Variants in FOXN3 observed in about 807,000 individuals in gnomAD.
FOXN3 encodes forkhead box protein N3.
FOXN3 carries 7 observed loss-of-function variants against 38.4 expected under a neutral mutation model. The ratio of observed to expected loss-of-function variants is 0.18; its 90% confidence interval spans 0.10 to 0.34. The LOEUF (loss-of-function observed/expected upper bound fraction) is 0.34, where lower values mean the gene tolerates loss of function less well. Ranked by LOEUF, FOXN3 falls within the 10% of genes least tolerant of loss-of-function variation. FOXN3 has a pLI of 1.00. For missense variants in FOXN3, 456 were observed against 613.4 expected (o/e 0.74, Z 2.71); for synonymous variants, 230 against 242.2 (o/e 0.95, Z 0.47).
chr14:89,157,163 G>A lies in FOXN3; in HGVS notation c.*5251C>T, dbSNP rs759226884. 5.9e-5 allele frequency: 9 copies of A among 152,666 alleles called. No homozygotes were observed. Among genetic ancestry groups the A allele is most frequent in the African/African-American group, 1.9e-4 (8 of 41,464 alleles). The allele number at this position is 152,666 out of a possible 1,614,324, so 9.5% of individuals were successfully genotyped here. A position where few individuals can be genotyped will look rare whatever the true frequency, so the allele number is the denominator to read the frequency against. On this transcript the variant is annotated 3_prime_UTR_variant, in exon 6 of 6. Coordinates refer to ENST00000557258, the MANE Select transcript of FOXN3 (RefSeq NM_005197.4). Reference sequence around the variant, plus strand: ...GGAAGGGTACTCGTGAGCATCTCACGGTTAAGTCAGAAATGATCGTTCACA... The same window carrying A: ...GGAAGGGTACTCGTGAGCATCTCACAGTTAAGTCAGAAATGATCGTTCACA...
chr14:89,174,664 A>T (rs186660543), intron 5 of FOXN3, among the ~76,000 whole-genome samples: 1 of 152,200 alleles, frequency 6.6e-6, no homozygotes, highest in African/African-American at 2.4e-5. Flanking sequence ...ATGTTGATCA[A>T]ATTTCACAGT....
chr14:89,229,741 T>C (rs1884751178), intron 4 of FOXN3, among the ~76,000 whole-genome samples: 1 of 152,082 alleles, frequency 6.6e-6, no homozygotes, highest in South Asian at 2.1e-4. Context: ...CAGTAGGTTG[T>C]CCCTCTGGTG....
upstream of FOXN3, among the ~76,000 whole-genome samples, chr14:89,421,974 G>C (rs930300011): frequency 6.6e-6 from 1 of 152,078 alleles, no homozygotes; most frequent in African/African-American, 2.4e-5. Flanking sequence ...CGAACTCCTA[G>C]ACTCAAACAA....
At chr14:89,194,245 G>A (rs944893101) in intron 4 of FOXN3, among the ~76,000 whole-genome samples, 2 of 151,926 alleles carry the variant, frequency 1.3e-5, no homozygotes, top group Non-Finnish European at 2.9e-5. Context: ...AGAAATCTTA[G>A]CCTACCCTAA....
intron 3 of FOXN3, among the ~76,000 whole-genome samples, chr14:89,339,807 G>C (rs1418143006): frequency 6.6e-6 from 1 of 152,240 alleles, no homozygotes; most frequent in East Asian, 1.9e-4. Flanking sequence ...AAATGCAGGT[G>C]AAGCTAAGCC....
intron 1 of FOXN3, among the ~76,000 whole-genome samples, chr14:89,434,990 G>A (rs893333093): frequency 1.3e-5 from 2 of 152,088 alleles, no homozygotes; most frequent in Non-Finnish European, 2.9e-5. Context: ...CTGTATAAAC[G>A]TTCAACAATT....
At chr14:89,200,831 T>G (rs553778455) in intron 4 of FOXN3, among the ~76,000 whole-genome samples, 20 of 152,188 alleles carry the variant, frequency 1.3e-4, no homozygotes, top group Non-Finnish European at 2.9e-4. Flanking sequence ...CTGATCAACA[T>G]TGACTTCTTT....
At chr14:89,605,462 A>T (rs1896252947) in intron 1 of FOXN3, among the ~76,000 whole-genome samples, 1 of 152,142 alleles carries the variant, frequency 6.6e-6, no homozygotes, top group South Asian at 2.1e-4. Context: ...TTCAAAAGAA[A>T]GCAAGAAATA....
chr14:89,604,798 T>C (rs535272749), intron 1 of FOXN3, among the ~76,000 whole-genome samples: 6 of 152,288 alleles, frequency 3.9e-5, no homozygotes, highest in Non-Finnish European at 7.4e-5. Context: ...AAAGTACTCT[T>C]GGAGAAAGAA....
chr14:89,453,859 C>A (rs1212934797), intron 1 of FOXN3, among the ~76,000 whole-genome samples: 1 of 152,154 alleles, frequency 6.6e-6, no homozygotes, highest in Non-Finnish European at 1.5e-5. Flanking sequence ...CTGCTATGGA[C>A]TGAGGTTTTG....
chr14:89,181,565 G>C (rs1198691021), intron 4 of FOXN3, among the ~76,000 whole-genome samples: 1 of 152,162 alleles, frequency 6.6e-6, no homozygotes, highest in Admixed American at 6.5e-5. Flanking sequence ...CAAATCTCCT[G>C]AGAAGTCGCT....
intron 1 of FOXN3, among the ~76,000 whole-genome samples, chr14:89,568,598 T>C (rs1243245130): frequency 6.6e-6 from 1 of 152,250 alleles, no homozygotes; most frequent in African/African-American, 2.4e-5. Context: ...CCCTAACATT[T>C]GCGTCCTTTC....
intron 3 of FOXN3, among the ~76,000 whole-genome samples, chr14:89,340,931 G>C (rs1888597340): frequency 6.6e-6 from 1 of 152,110 alleles, no homozygotes; most frequent in Admixed American, 6.5e-5. Context: ...CAAGAGAAGA[G>C]CCTGACCTCT....
chr14:89,539,128 C>T (rs1894747142), intron 1 of FOXN3, among the ~76,000 whole-genome samples: 1 of 152,208 alleles, frequency 6.6e-6, no homozygotes, highest in South Asian at 2.1e-4. Flanking sequence ...AGGCGTGAGC[C>T]ACGTGCCTGG....
chr14:89,573,769 A>G (rs1481093357), intron 1 of FOXN3, among the ~76,000 whole-genome samples: 1 of 152,222 alleles, frequency 6.6e-6, no homozygotes, highest in Non-Finnish European at 1.5e-5. Flanking sequence ...CCTAAAGGCC[A>G]CAAGAGGATT....
intron 3 of FOXN3, among the ~76,000 whole-genome samples, chr14:89,288,710 CTCTCTCTCTCTCTCTATA>C (rs1886741251): frequency 1.4e-4 from 11 of 75,874 alleles, no homozygotes; most frequent in Non-Finnish European, 2.0e-4. Context: ...CTCTCTCTCT[CTCTCTCTCTCTCTCTATA>C]TATATATATA....
At chr14:89,229,760 T>C (rs1467694939) in intron 4 of FOXN3, among the ~76,000 whole-genome samples, 1 of 152,130 alleles carries the variant, frequency 6.6e-6, no homozygotes, top group African/African-American at 2.4e-5. Flanking sequence ...TGACACTCGC[T>C]GAGGCCAATA....
chr14:89,423,022 T>C (rs1183799921), intron 1 of FOXN3, among the ~76,000 whole-genome samples: 1 of 151,806 alleles, frequency 6.6e-6, no homozygotes, highest in Non-Finnish European at 1.5e-5. Context: ...TTTACTCAAT[T>C]AATTCCGTCA....
intron 4 of FOXN3, among the ~76,000 whole-genome samples, chr14:89,183,194 T>A (rs575821260): frequency 1.3e-5 from 2 of 152,332 alleles, no homozygotes; most frequent in Admixed American, 6.5e-5. Flanking sequence ...TACGGCAGTC[T>A]CCTAGAAATG....
Sources: allele counts gnomAD v4.1 joint callset (sites outside exome capture counted in the v4.1 genomes callset), GRCh38; gene constraint gnomAD v4.1.1; transcripts MANE v1.5; gene names NCBI Gene and HGNC (gene_info 2026-07-23, HGNC 2026-07-21).